Variants in CCND3 observed in about 807,000 individuals in gnomAD.
CCND3 encodes the protein cyclin D3.
In CCND3, 9 loss-of-function variants were observed where a neutral mutation model predicts 28.7. The observed-to-expected ratio is 0.31, with a 90% CI of 0.19 to 0.55. CCND3 has a LOEUF of 0.55. CCND3 is among the 20% of genes least tolerant of loss of function. The pLI is 0.93. For synonymous variants in CCND3, 164 were observed against 163.9 expected (o/e 1.00, Z 0.00); for missense variants, 315 against 385.8 (o/e 0.82, Z 1.54).
intron 1 of CCND3, among the ~76,000 whole-genome samples, chr6:42,010,617 CTG>C (rs1202023166): frequency 2.0e-5 from 3 of 152,156 alleles, no homozygotes; most frequent in Non-Finnish European, 2.9e-5. Flanking sequence ...GACAGGAAAA[CTG>C]TGAATGATTT....
At chr6:41,993,916 C>G (rs1169202732) in intron 1 of CCND3, among the ~76,000 whole-genome samples, 1 of 133,612 alleles carries the variant, frequency 7.5e-6, no homozygotes, top group Non-Finnish European at 1.5e-5. Context: ...GAGCGACAGA[C>G]TCTTGTCTTA....
intron 1 of CCND3, among the ~76,000 whole-genome samples, chr6:41,958,069 C>T (rs992546315): frequency 1.4e-5 from 2 of 144,960 alleles, no homozygotes; most frequent in African/African-American, 5.1e-5. Flanking sequence ...GCAATCTCAG[C>T]TCACTGCAAC....
At chr6:41,989,045 G>T (rs1762576748) in intron 1 of CCND3, among the ~76,000 whole-genome samples, 1 of 151,998 alleles carries the variant, frequency 6.6e-6, no homozygotes, top group Middle Eastern at 3.2e-3. Flanking sequence ...TCCACAAAAG[G>T]CAATGTCAAA....
chr6:41,951,915 C>T lies in CCND3; in HGVS notation c.-45-11330G>A, dbSNP rs181035538. Among the ~76,000 whole-genome samples, 9 of 152,098 alleles carry T rather than the reference C, an allele frequency of 5.9e-5. 1 individual carries two copies. The East Asian group carries it at 1.4e-3, about 23-fold the overall frequency. ...CGGGGATTACAGGTGCTCGCCACCA[C>T]ACTCAGCTAGTTTTTTTTGTATTTT... is the stretch of plus-strand genomic sequence containing the variant. On this transcript the variant is annotated intron_variant, in intron 1 of 4. Transcript: ENST00000372988.
intron 1 of CCND3, 174 bp from the exon 2 acceptor site, chr6:41,940,759 C>A: frequency 2.6e-6 from 2 of 762,890 alleles, no homozygotes; most frequent in East Asian, 2.6e-5. Context: ...AGGTGACGCC[C>A]CCCACTTCCT....
At chr6:41,998,020 G>T (rs1363843042) in intron 1 of CCND3, among the ~76,000 whole-genome samples, 1 of 151,636 alleles carries the variant, frequency 6.6e-6, no homozygotes, top group Non-Finnish European at 1.5e-5. Flanking sequence ...GCCGGGCGTG[G>T]TGGCGCTCCT....
intron 1 of CCND3, among the ~76,000 whole-genome samples, chr6:41,967,614 C>A (rs1761924229): frequency 6.6e-6 from 1 of 152,212 alleles, no homozygotes; most frequent in Non-Finnish European, 1.5e-5. Flanking sequence ...CGGGAATCTG[C>A]ATTTCTATCC....
At chr6:41,983,131 A>G (rs1162696389) in intron 1 of CCND3, among the ~76,000 whole-genome samples, 1 of 152,188 alleles carries the variant, frequency 6.6e-6, no homozygotes, top group Non-Finnish European at 1.5e-5. Context: ...TAATGCTAGC[A>G]CTTTGGGAGG....
At chr6:42,021,339 C>T (rs1236708074) in intron 1 of CCND3, among the ~76,000 whole-genome samples, 1 of 152,196 alleles carries the variant, frequency 6.6e-6, no homozygotes, top group Non-Finnish European at 1.5e-5. Context: ...GTATTTGCCA[C>T]CTTCTGTTCT....
chr6:41,958,435 G>T (rs1213513665), intron 1 of CCND3, among the ~76,000 whole-genome samples: 3 of 152,116 alleles, frequency 2.0e-5, no homozygotes, highest in Non-Finnish European at 4.4e-5. Flanking sequence ...CTGTACAGTA[G>T]AATTTGTATT....
chr6:41,937,120 G>C (rs943131258), intron 3 of CCND3, 115 bp downstream of exon 3: 4 of 1,132,370 alleles, frequency 3.5e-6, no homozygotes, highest in African/African-American at 3.1e-5. Flanking sequence ...GCTCAGAGGG[G>C]GTATAATTTT....
chr6:41,975,621 G>T (rs566677464), intron 1 of CCND3, among the ~76,000 whole-genome samples: 1 of 152,224 alleles, frequency 6.6e-6, no homozygotes, highest in African/African-American at 2.4e-5. Context: ...CTTACTTGGT[G>T]GGTGATGGAG....
rs796747144 is a variant in CCND3 at position 41,989,317 on chromosome 6, G to A, written c.-45-48732C>T. 5.8e-4 allele frequency among the ~76,000 whole-genome samples: 88 copies of A among 151,702 alleles called. 1 individual carries two copies. The highest frequency in any genetic ancestry group is 2.1e-3 in the African/African-American group (86 of 41,444). The stretch of plus-strand genomic sequence containing the variant: ...CTACTAAAAATACAAAAATTAGCTG[G>A]GTGTGGTCTTTGGTATATTAAAAGC... On this transcript the variant is annotated intron_variant, in intron 1 of 4. Transcript: ENST00000372988.
chr6:41,983,152 C>G (rs2127412991), intron 1 of CCND3, among the ~76,000 whole-genome samples: 1 of 152,182 alleles, frequency 6.6e-6, no homozygotes. Context: ...CCAAGGCAGG[C>G]TGATCACCTG....
At chr6:41,983,738 C>T (rs992255167) in intron 1 of CCND3, among the ~76,000 whole-genome samples, 7 of 152,006 alleles carry the variant, frequency 4.6e-5, no homozygotes, top group East Asian at 1.9e-4. Context: ...TAGGAAGCTG[C>T]GGGAAGCTCA....
intron 1 of CCND3, among the ~76,000 whole-genome samples, chr6:42,035,223 TG>T (rs1277019082): frequency 3.9e-5 from 6 of 152,210 alleles, no homozygotes; most frequent in Admixed American, 3.9e-4. Context: ...GAAGCATGCA[TG>T]GTGCCTCACG....
At chr6:42,001,024 T>C (rs1582148879) in intron 1 of CCND3, among the ~76,000 whole-genome samples, 1 of 151,014 alleles carries the variant, frequency 6.6e-6, no homozygotes, top group African/African-American at 2.4e-5. Flanking sequence ...TCACCTGGGG[T>C]CAGAAGTTCA....
intron 1 of CCND3, among the ~76,000 whole-genome samples, chr6:42,023,054 G>A (rs1276381382): frequency 1.3e-5 from 2 of 152,206 alleles, no homozygotes; most frequent in Non-Finnish European, 2.9e-5. Flanking sequence ...TTGTGACCCC[G>A]AAATCAATAC....
At chr6:41,988,174 C>T (rs971969348) in intron 1 of CCND3, among the ~76,000 whole-genome samples, 5 of 151,814 alleles carry the variant, frequency 3.3e-5, no homozygotes, top group African/African-American at 7.2e-5. Flanking sequence ...GGCATGGTGG[C>T]GCATGCCTGT....
Sources: allele counts gnomAD v4.1 joint callset (sites outside exome capture counted in the v4.1 genomes callset), GRCh38; gene constraint gnomAD v4.1.1; transcripts MANE v1.5; gene names NCBI Gene and HGNC (gene_info 2026-07-23, HGNC 2026-07-21).